The following CNTNAP5 variants were observed in gnomAD, a reference collection of about 807,000 sequenced individuals.
CNTNAP5 encodes the protein contactin associated protein family member 5, also known as contactin-associated protein-like 5.
A neutral mutation model predicts 150.2 loss-of-function variants in CNTNAP5; 72 were observed. That is an observed-to-expected ratio of 0.48 (90% CI 0.40 to 0.58). The LOEUF is 0.58. Ranked by LOEUF, CNTNAP5 falls within the 20% of genes least tolerant of loss-of-function variation. CNTNAP5 has a pLI of 0.00. For missense variants in CNTNAP5, 1,636 were observed against 1,626.2 expected, an observed-to-expected ratio of 1.01 and a Z score of -0.10; for synonymous variants, 672 against 619.8, an observed-to-expected ratio of 1.08 and a Z score of -1.25.
intron 3 of CNTNAP5, among the ~76,000 whole-genome samples, chr2:124,267,720 T>G (rs1687646772): frequency 1.3e-5 from 2 of 152,214 alleles, no homozygotes; most frequent in South Asian, 4.1e-4. Flanking sequence ...TATATTTTTC[T>G]AATATGCAGC....
chr2:124,810,746 G>C (rs1483846987), intron 19 of CNTNAP5, among the ~76,000 whole-genome samples: 1 of 152,116 alleles, frequency 6.6e-6, no homozygotes, highest in Non-Finnish European at 1.5e-5. Context: ...AGAAAAACCA[G>C]TCTGGGTCAA....
intron 3 of CNTNAP5, among the ~76,000 whole-genome samples, chr2:124,352,222 T>C (rs17011447): frequency 0.041 from 6,219 of 152,224 alleles, 460 homozygotes; most frequent in African/African-American, 0.14. Flanking sequence ...TATGACACAT[T>C]AAGTTGTATA....
chr2:124,450,317 A>C (rs950884720), intron 6 of CNTNAP5, among the ~76,000 whole-genome samples: 1 of 151,860 alleles, frequency 6.6e-6, no homozygotes, highest in Non-Finnish European at 1.5e-5. Context: ...TATCAAAGCT[A>C]ATATAATTAT....
chr2:124,902,224 C>T (rs1558819618), intron 21 of CNTNAP5, among the ~76,000 whole-genome samples: 1 of 152,134 alleles, frequency 6.6e-6, no homozygotes, highest in African/African-American at 2.4e-5. Flanking sequence ...CAAATTATTG[C>T]ATGTCCATCT....
rs201470931 is a variant in CNTNAP5 at position 124,917,117 on chromosome 2, AT to A, written c.*2839del. Among the ~76,000 whole-genome samples, 89 of 148,148 alleles carry A rather than the reference AT, an allele frequency of 6.0e-4. No homozygotes were observed. In the East Asian group the frequency reaches 0.012, roughly 19 times the overall value. ...AAAGCATCTTAATCTCTCTTTAACCATTTTTTTTTTCTTTTTCCTACCACAT... is the reference window on the plus strand; with the variant it reads ...AAAGCATCTTAATCTCTCTTTAACCATTTTTTTTTCTTTTTCCTACCACAT... On this transcript the variant is annotated 3_prime_UTR_variant, in exon 24 of 24. Transcript: ENST00000682447.
Position 124,916,752 on chromosome 2 carries a change from G to A in CNTNAP5, c.*2464G>A, listed in dbSNP as rs528229443. Among the ~76,000 whole-genome samples the A allele has an allele frequency of 4.5e-4, 69 of 152,092 alleles. No individual in the cohort carries two copies. The highest frequency in any genetic ancestry group is 2.3e-3 in the South Asian group (11 of 4,824). On this transcript the variant is annotated 3_prime_UTR_variant, in exon 24 of 24. Coordinates refer to ENST00000682447, the MANE Select transcript of CNTNAP5 (RefSeq NM_001367498.1). ...CAAAATCAACTGGCATCTTCCTCACGTGTGTAGACTCCATGCACACTACAT... is the reference window on the plus strand; with the variant it reads ...CAAAATCAACTGGCATCTTCCTCACATGTGTAGACTCCATGCACACTACAT...
At chr2:124,657,724 A>T (rs1242896540) in intron 13 of CNTNAP5, among the ~76,000 whole-genome samples, 1 of 152,154 alleles carries the variant, frequency 6.6e-6, no homozygotes, top group Non-Finnish European at 1.5e-5. Flanking sequence ...TCTCCCATTA[A>T]TACAGTGAAC....
chr2:124,660,772 A>C (rs1177011752), intron 13 of CNTNAP5, among the ~76,000 whole-genome samples: 7 of 151,794 alleles, frequency 4.6e-5, no homozygotes, highest in Admixed American at 3.9e-4. Context: ...AATAGTAAAA[A>C]TACAAGACAA....
Position 124,576,038 on chromosome 2 carries a change from C to A in CNTNAP5, c.1756+12715C>A, listed in dbSNP as rs138663254. 3.0e-3 allele frequency among the ~76,000 whole-genome samples: 455 copies of A among 152,206 alleles called. 2 individuals are homozygous for A. Among genetic ancestry groups the A allele is most frequent in the African/African-American group, 0.01 (433 of 41,530 alleles). On this transcript the variant is annotated intron_variant, in intron 11 of 23. Coordinates refer to ENST00000682447, the MANE Select transcript of CNTNAP5 (RefSeq NM_001367498.1). ...TCTTAAAGATCCTCACACTACGTCC[C>A]CATTTGCTCTCAAACTAGCTTGTAA...
At chr2:124,284,693 C>T (rs934800288) in intron 3 of CNTNAP5, among the ~76,000 whole-genome samples, 29 of 152,044 alleles carry the variant, frequency 1.9e-4, no homozygotes, top group Admixed American at 7.2e-4. Flanking sequence ...AAGGCCCGGG[C>T]AGGTCTTAAT....
At chr2:124,666,242 C>T (rs1678697342) in intron 13 of CNTNAP5, among the ~76,000 whole-genome samples, 1 of 151,994 alleles carries the variant, frequency 6.6e-6, no homozygotes, top group African/African-American at 2.4e-5. Context: ...GAGTCAGGGG[C>T]TTAGAGGTTA....
chr2:124,414,617 G>A (rs767379217), intron 3 of CNTNAP5, among the ~76,000 whole-genome samples: 5 of 152,064 alleles, frequency 3.3e-5, no homozygotes, highest in East Asian at 3.9e-4. Context: ...CATTAGTCAC[G>A]GGATTAACTC....
chr2:124,896,687 C>A lies in CNTNAP5; in HGVS notation c.3437-6195C>A, dbSNP rs546606564. On this transcript the variant is annotated intron_variant, in intron 21 of 23. Coordinates refer to ENST00000682447, the MANE Select transcript of CNTNAP5 (RefSeq NM_001367498.1). ...CCAAGTAGCTGAGATTACAGGTGTG[C>A]ACCACCATGTCCCGCTAATTTCTGT... 5.3e-5 allele frequency among the ~76,000 whole-genome samples: 8 copies of A among 151,264 alleles called. 1 individual carries two copies. Among genetic ancestry groups the A allele is most frequent in the African/African-American group, 7.4e-5 (3 of 40,654 alleles).
intron 3 of CNTNAP5, among the ~76,000 whole-genome samples, chr2:124,270,757 T>C (rs1393968075): frequency 6.6e-6 from 1 of 152,138 alleles, no homozygotes; most frequent in Non-Finnish European, 1.5e-5. Flanking sequence ...CAAAATTCCT[T>C]ATCCAAAAAA....
In CNTNAP5 at chr2:124,647,750, C is replaced by T. The variant is rs948846975; in HGVS notation, c.1877-8C>T. 3.2e-6 allele frequency: 5 copies of T among 1,580,662 alleles called. No homozygotes were observed. The highest frequency in any genetic ancestry group is 2.7e-5 in the African/African-American group (2 of 74,242). On this transcript the variant is annotated splice_region_variant and splice_polypyrimidine_tract_variant and intron_variant, in intron 12 of 23. Coordinates refer to ENST00000682447, the MANE Select transcript of CNTNAP5 (RefSeq NM_001367498.1). ...CGTCTCTTGCTTTGTGTTGTGTTGT[C>T]TGGGCAGAGGACAAGATCTGGACAT...
intron 1 of CNTNAP5, among the ~76,000 whole-genome samples, chr2:124,039,065 C>G (rs184871603): frequency 2.0e-4 from 30 of 152,282 alleles, no homozygotes; most frequent in Admixed American, 4.6e-4. Context: ...TATCTTGCTA[C>G]CATTCATATG....
At chr2:124,078,302 G>A (rs1164451886) in intron 1 of CNTNAP5, among the ~76,000 whole-genome samples, 3 of 152,106 alleles carry the variant, frequency 2.0e-5, no homozygotes, top group Non-Finnish European at 2.9e-5. Flanking sequence ...ATCTGTAAAT[G>A]TATTTTGTTA....
chr2:124,843,182 C>T (rs918102189), intron 19 of CNTNAP5, among the ~76,000 whole-genome samples: 1 of 152,126 alleles, frequency 6.6e-6, no homozygotes, highest in Admixed American at 6.6e-5. Flanking sequence ...AGTTACTTCA[C>T]TTATAATAAT....
intron 1 of CNTNAP5, among the ~76,000 whole-genome samples, chr2:124,058,641 G>A (rs1364750877): frequency 2.6e-5 from 4 of 151,954 alleles, no homozygotes; most frequent in African/African-American, 9.7e-5. Flanking sequence ...GCCTGTCGTT[G>A]TCATCAGCCT....
Sources: allele counts gnomAD v4.1 joint callset (sites outside exome capture counted in the v4.1 genomes callset), GRCh38; gene constraint gnomAD v4.1.1; transcripts MANE v1.5; gene names NCBI Gene and HGNC (gene_info 2026-07-23, HGNC 2026-07-21).